The following PRSS55 variants were observed in gnomAD, a reference collection of about 807,000 sequenced individuals.
PRSS55 encodes serine protease 55, also known as probable serine protease UNQ9391/PRO34284.
A neutral mutation model predicts 23.6 loss-of-function variants in PRSS55; 41 were observed. The observed-to-expected ratio is 1.74, with a 90% confidence interval of 1.35 to 2.26. The LOEUF is 2.26. PRSS55 is among the 30% of genes most tolerant of loss of function. PRSS55 has a pLI of 0.00. For synonymous variants in PRSS55, 262 were observed against 175.5 expected, an observed-to-expected ratio of 1.49 and a Z score of -3.90; for missense variants, 669 against 439.1, an observed-to-expected ratio of 1.52 and a Z score of -4.68.
chr8:10,539,518 G>C (rs1812582823), downstream of PRSS55, among the ~76,000 whole-genome samples: 2 of 152,160 alleles, frequency 1.3e-5, no homozygotes, highest in Non-Finnish European at 2.9e-5. Context: ...CACTGATATG[G>C]TTTGGCTATG....
At chr8:10,536,337 T>C (rs746242101) in intron 4 of PRSS55, among the ~76,000 whole-genome samples, 1 of 152,208 alleles carries the variant, frequency 6.6e-6, no homozygotes, top group Non-Finnish European at 1.5e-5. Context: ...CCAGTCAGAA[T>C]GGCTGTTATT....
intron 4 of PRSS55, among the ~76,000 whole-genome samples, chr8:10,551,295 A>G (rs926101975): frequency 2.0e-5 from 3 of 151,524 alleles, no homozygotes; most frequent in African/African-American, 7.3e-5. Context: ...AGGCAGAAAC[A>G]CCCTTGGCTT....
intron 4 of PRSS55, among the ~76,000 whole-genome samples, chr8:10,546,937 C>T (rs1463481655): frequency 6.6e-6 from 1 of 152,152 alleles, no homozygotes; most frequent in Admixed American, 6.5e-5. Context: ...CACCTCAAGC[C>T]TCTCAAAGTG....
chr8:10,529,362 C>G, intron 1 of PRSS55, 145 bp from the exon 2 acceptor site: 1 of 802,076 alleles, frequency 1.2e-6, no homozygotes, highest in Non-Finnish European at 2.1e-6. Flanking sequence ...GGCTGCCCCG[C>G]TCGGCAGCCT....
At chr8:10,537,734 A>G (rs1025630874) in intron 4 of PRSS55, among the ~76,000 whole-genome samples, 2 of 152,218 alleles carry the variant, frequency 1.3e-5, no homozygotes, top group African/African-American at 4.8e-5. Context: ...TTATGTACCC[A>G]TAATAATTAA....
At chr8:10,532,025 A>G (rs1201607450) in intron 3 of PRSS55, among the ~76,000 whole-genome samples, 4 of 152,170 alleles carry the variant, frequency 2.6e-5, no homozygotes, top group Non-Finnish European at 5.9e-5. Context: ...ACTGGGACAG[A>G]AAAATATGAC....
downstream of PRSS55, chr8:10,541,598 A>G (rs543606648): frequency 2.0e-5 from 3 of 152,180 alleles, no homozygotes; most frequent in East Asian, 3.9e-4. Context: ...ATCTGTACCT[A>G]TATCTATATT....
downstream of PRSS55, chr8:10,538,901 G>C (rs1585883962): frequency 4.4e-6 from 5 of 1,140,734 alleles, no homozygotes; most frequent in Non-Finnish European, 6.1e-6. Context: ...TTGAGGCTGG[G>C]ACCAGGAGGA....
At chr8:10,537,568 T>A (rs1199394491) in intron 4 of PRSS55, among the ~76,000 whole-genome samples, 1 of 95,542 alleles carries the variant, frequency 1.0e-5, no homozygotes, top group Non-Finnish European at 2.3e-5. Context: ...ACAACAAGTG[T>A]ATATTTCAAA....
downstream of PRSS55, chr8:10,540,152 C>A (rs146605318): frequency 2.6e-5 from 4 of 152,470 alleles, no homozygotes; most frequent in Non-Finnish European, 5.9e-5. Flanking sequence ...TCGCACCAGG[C>A]AGGACTCCCC....
At chr8:10,526,875 A>G (rs1812043065) in intron 1 of PRSS55, among the ~76,000 whole-genome samples, 1 of 152,182 alleles carries the variant, frequency 6.6e-6, no homozygotes. Context: ...GTGGGTACCC[A>G]ACGATAAGTA....
intron 4 of PRSS55, among the ~76,000 whole-genome samples, chr8:10,545,675 T>C (rs1057303994): frequency 6.6e-6 from 1 of 152,122 alleles, no homozygotes; most frequent in Admixed American, 6.5e-5. Context: ...ATGCATTGGA[T>C]TGGAATGAAG....
At chr8:10,530,538 G>A (rs912852090) in intron 2 of PRSS55, among the ~76,000 whole-genome samples, 12 of 152,066 alleles carry the variant, frequency 7.9e-5, no homozygotes, top group African/African-American at 2.9e-4. Flanking sequence ...CCCTGAAGCA[G>A]GTAGAATGAA....
intron 4 of PRSS55, among the ~76,000 whole-genome samples, chr8:10,550,371 T>C (rs968370699): frequency 2.6e-5 from 4 of 152,324 alleles, no homozygotes; most frequent in East Asian, 3.9e-4. Flanking sequence ...GCCGAGCCTA[T>C]GGAGTCAGCA....
downstream of PRSS55, among the ~76,000 whole-genome samples, chr8:10,542,126 G>C (rs546404388): frequency 1.3e-5 from 2 of 152,314 alleles, no homozygotes; most frequent in African/African-American, 4.8e-5. Flanking sequence ...GAAATTGTCA[G>C]TTTAAACATT....
chr8:10,539,067 G>T (rs547875569), downstream of PRSS55, among the ~76,000 whole-genome samples: 55 of 149,140 alleles, frequency 3.7e-4, 1 homozygote, highest in African/African-American at 1.2e-3. Flanking sequence ...AAAAAAAAAA[G>T]CCAACAAACA....
intron 4 of PRSS55, among the ~76,000 whole-genome samples, chr8:10,550,689 G>C (rs143645461): frequency 6.6e-6 from 1 of 152,244 alleles, no homozygotes; most frequent in East Asian, 1.9e-4. Context: ...GATGATAACT[G>C]TGTTACCCTG....
intron 4 of PRSS55, among the ~76,000 whole-genome samples, chr8:10,550,124 G>C (rs1422604836): frequency 6.6e-6 from 1 of 152,074 alleles, no homozygotes; most frequent in Non-Finnish European, 1.5e-5. Flanking sequence ...TCTCCATGTT[G>C]GCCAGGCTGA....
chr8:10,541,456 G>A (rs1222955745), downstream of PRSS55: 2 of 152,278 alleles, frequency 1.3e-5, no homozygotes, highest in Non-Finnish European at 2.9e-5. Flanking sequence ...CTGGGGCTCT[G>A]CCTGCCAGTC....
Sources: gnomAD v4.1 joint callset for allele counts (sites outside exome capture counted in the v4.1 genomes callset) on GRCh38, gnomAD v4.1.1 for gene constraint, MANE v1.5 for transcripts, NCBI Gene and HGNC (gene_info 2026-07-23, HGNC 2026-07-21) for gene names.